CHCHD6: variants seen among roughly 807,000 people sequenced by gnomAD.
CHCHD6 encodes coiled-coil-helix-coiled-coil-helix domain containing 6.
A neutral mutation model predicts 32.3 loss-of-function variants in CHCHD6; 28 were observed. The observed-to-expected ratio is 0.87, with a 90% CI of 0.64 to 1.19. The LOEUF is 1.19. Ranked by LOEUF, CHCHD6 falls within the 50% of genes most tolerant of loss-of-function variation. The pLI is 0.00. For synonymous variants in CHCHD6, 122 were observed against 117.5 expected, an observed-to-expected ratio of 1.04 and a Z score of -0.25; for missense variants, 333 against 307.0, an observed-to-expected ratio of 1.08 and a Z score of -0.63.
chr3:126,797,945 T>C (rs1938872704), intron 4 of CHCHD6, among the ~76,000 whole-genome samples: 1 of 152,166 alleles, frequency 6.6e-6, no homozygotes, highest in African/African-American at 2.4e-5. Flanking sequence ...GAGGGAGGGT[T>C]TGGGAGTTGA....
chr3:126,960,112 T>C (rs900988188), intron 7 of CHCHD6, 84 bp from the exon 8 acceptor site: 1 of 1,507,462 alleles, frequency 6.6e-7, no homozygotes, highest in African/African-American at 1.4e-5. Flanking sequence ...TGGGAAGCGG[T>C]TGCTGTCACA....
chr3:126,727,058 CCTCTTTTCT>C lies in CHCHD6; in HGVS notation c.88-19_88-11del. On this transcript the variant is annotated splice_polypyrimidine_tract_variant and intron_variant, in intron 1 of 7. Coordinates refer to ENST00000290913, the MANE Select transcript of CHCHD6 (RefSeq NM_032343.3). The stretch of plus-strand genomic sequence containing the variant: ...TTCTGTGACATAACTTTTTCTTTTC[CCTCTTTTCT>C]GCTTCCTTAGCTGTCTGAAAACGTG... 6.3e-7 allele frequency: 1 copy of C among 1,578,054 alleles called. No individual in the cohort carries two copies. The highest frequency in any genetic ancestry group is 8.7e-7 in the Non-Finnish European group (1 of 1,149,216).
intron 5 of CHCHD6, among the ~76,000 whole-genome samples, chr3:126,870,999 A>G (rs1029049550): frequency 2.6e-5 from 4 of 152,150 alleles, no homozygotes; most frequent in Non-Finnish European, 5.9e-5. Flanking sequence ...TAGTGAGTGA[A>G]TTCTGCGCTG....
chr3:126,739,960 T>C (rs1266235545), intron 4 of CHCHD6, among the ~76,000 whole-genome samples: 1 of 152,226 alleles, frequency 6.6e-6, no homozygotes, highest in Non-Finnish European at 1.5e-5. Context: ...CAGTAGAGAC[T>C]GAGGAAAATA....
At chr3:126,842,187 A>G (rs1433491857) in intron 4 of CHCHD6, among the ~76,000 whole-genome samples, 1 of 152,196 alleles carries the variant, frequency 6.6e-6, no homozygotes, top group East Asian at 1.9e-4. Flanking sequence ...CCAGGAGATC[A>G]AGGTCACGTC....
chr3:126,734,617 G>C (rs978989859), intron 4 of CHCHD6, among the ~76,000 whole-genome samples: 1 of 152,202 alleles, frequency 6.6e-6, no homozygotes, highest in Non-Finnish European at 1.5e-5. Context: ...TTTAGTCTGT[G>C]GAGAAGACAA....
intron 6 of CHCHD6, among the ~76,000 whole-genome samples, chr3:126,939,223 G>A (rs1468885399): frequency 6.6e-6 from 1 of 152,148 alleles, no homozygotes; most frequent in Non-Finnish European, 1.5e-5. Context: ...TCAAGCAATA[G>A]GGTTTTGAGT....
At chr3:126,905,118 A>G (rs1446076573) in intron 5 of CHCHD6, among the ~76,000 whole-genome samples, 1 of 152,210 alleles carries the variant, frequency 6.6e-6, no homozygotes, top group Non-Finnish European at 1.5e-5. Flanking sequence ...CAGCGCCTTC[A>G]TTCATACTTC....
intron 6 of CHCHD6, among the ~76,000 whole-genome samples, chr3:126,942,017 C>T (rs1478045971): frequency 6.6e-6 from 1 of 152,224 alleles, no homozygotes; most frequent in Non-Finnish European, 1.5e-5. Flanking sequence ...TTTCGTGTCT[C>T]TCTCCACCCT....
intron 4 of CHCHD6, among the ~76,000 whole-genome samples, chr3:126,792,667 C>G (rs1465469134): frequency 1.3e-5 from 2 of 151,966 alleles, no homozygotes; most frequent in Non-Finnish European, 2.9e-5. Flanking sequence ...ATTTTATGAG[C>G]TAGGAGATGG....
intron 4 of CHCHD6, among the ~76,000 whole-genome samples, chr3:126,817,683 C>T (rs961510713): frequency 1.3e-5 from 2 of 152,178 alleles, no homozygotes; most frequent in African/African-American, 2.4e-5. Flanking sequence ...TTACTAGCTC[C>T]GTAGGTAGCA....
chr3:126,954,662 C>T (rs1473342063), intron 6 of CHCHD6, among the ~76,000 whole-genome samples: 2 of 152,218 alleles, frequency 1.3e-5, no homozygotes, highest in African/African-American at 2.4e-5. Flanking sequence ...CTGGCCTCCA[C>T]GGTGCAGCCA....
intron 4 of CHCHD6, among the ~76,000 whole-genome samples, chr3:126,821,406 G>A (rs1940143957): frequency 6.6e-6 from 1 of 152,086 alleles, no homozygotes. Flanking sequence ...CAATTCTCCT[G>A]CCTTACTGAG....
chr3:126,713,890 A>G (rs1257934291), intron 1 of CHCHD6, among the ~76,000 whole-genome samples: 1 of 151,458 alleles, frequency 6.6e-6, no homozygotes, highest in Non-Finnish European at 1.5e-5. Flanking sequence ...ATCCTGTCTA[A>G]TATGGTGAAA....
At chr3:126,787,621 C>G (rs1938285023) in intron 4 of CHCHD6, among the ~76,000 whole-genome samples, 1 of 152,220 alleles carries the variant, frequency 6.6e-6, no homozygotes, top group African/African-American at 2.4e-5. Context: ...ATTTGGCTCT[C>G]TGTTTGTCTG....
At chr3:126,730,970 G>A (rs1474467616) in intron 3 of CHCHD6, among the ~76,000 whole-genome samples, 2 of 151,718 alleles carry the variant, frequency 1.3e-5, no homozygotes, top group South Asian at 2.1e-4. Context: ...GCTGGGGGTG[G>A]TGGTGTGTGC....
chr3:126,758,905 TC>T (rs1559826906), intron 4 of CHCHD6, among the ~76,000 whole-genome samples: 4 of 152,330 alleles, frequency 2.6e-5, no homozygotes, highest in African/African-American at 9.6e-5. Context: ...TGACTGGTGT[TC>T]AATAAAGAGT....
At chr3:126,816,104 C>G (rs560798057) in intron 4 of CHCHD6, among the ~76,000 whole-genome samples, 10 of 152,310 alleles carry the variant, frequency 6.6e-5, no homozygotes, top group African/African-American at 9.6e-5. Context: ...TCCCCCTCCC[C>G]CTCTGCATCT....
chr3:126,766,464 T>A, intron 4 of CHCHD6: 1 of 700,184 alleles, frequency 1.4e-6, no homozygotes. Flanking sequence ...ATTCTGGTAG[T>A]TTCTTGATCT....
Sources: allele counts gnomAD v4.1 joint callset (sites outside exome capture counted in the v4.1 genomes callset), GRCh38; gene constraint gnomAD v4.1.1; transcripts MANE v1.5; gene names NCBI Gene and HGNC (gene_info 2026-07-23, HGNC 2026-07-21).